The following MICALL2 variants were observed in gnomAD, a reference collection of about 807,000 sequenced individuals.
MICALL2 encodes the protein MICAL-like protein 2.
Under a neutral mutation model 91.1 loss-of-function variants are expected in MICALL2, and 111 were observed. That is an observed-to-expected ratio of 1.22 (90% CI 1.04 to 1.43). The LOEUF (loss-of-function observed/expected upper bound fraction) is 1.43, where lower values mean the gene tolerates loss of function less well. Ranked by LOEUF, MICALL2 falls within the 40% of genes most tolerant of loss-of-function variation. MICALL2 has a pLI of 0.00. For missense variants in MICALL2, 1,556 were observed against 1,236.0 expected, an observed-to-expected ratio of 1.26 and a Z score of -3.88; for synonymous variants, 694 against 525.3, an observed-to-expected ratio of 1.32 and a Z score of -4.39.
chr7:1,443,181 A>G (rs539603193), intron 6 of MICALL2, among the ~76,000 whole-genome samples: 46 of 130,042 alleles, frequency 3.5e-4, no homozygotes, highest in African/African-American at 1.3e-3. Context: ...GGTCCTCCCC[A>G]GCCACACATG....
rs962029500 is a variant in MICALL2, at chr7:1,434,840, G to A, written c.2639-168C>T. The A allele has an allele frequency of 6.3e-5, 49 of 772,072 alleles. No homozygotes were observed. In the Admixed American group the frequency reaches 6.8e-4, roughly 11 times the overall value. 47.8% of individuals were successfully genotyped at this position (772,072 alleles called of 1,614,324 possible). A position where few individuals can be genotyped will look rare whatever the true frequency, so the allele number is the denominator to read the frequency against. On this transcript the variant is annotated intron_variant, in intron 16 of 16. Coordinates refer to ENST00000297508, the MANE Select transcript of MICALL2 (RefSeq NM_182924.4). Reference sequence around the variant, plus strand: ...GCCCTCCCACGTGAGAACCTGCCCCGACTGGGTGCCCCGGAGGGCTGGTCC... The same window carrying A: ...GCCCTCCCACGTGAGAACCTGCCCCAACTGGGTGCCCCGGAGGGCTGGTCC...
Position 1,444,860 on chromosome 7 carries a change from G to T in MICALL2, c.1210C>A (p.Pro404Thr). ...CTGGAGGCGGACGGGGTCCAGGCTGGGGGGTCCACCGTGGCTGCAGATGTG... is the reference window on the plus strand; with the variant it reads ...CTGGAGGCGGACGGGGTCCAGGCTGTGGGGTCCACCGTGGCTGCAGATGTG... ...SSTSAATVDP[P>T]AWTPSASRTQ... The change falls in exon 6 of 17, where the codon CCA becomes ACA. Residue 404 changes from proline (P) to threonine (T), a missense_variant. Coordinates refer to ENST00000297508, the MANE Select transcript of MICALL2 (RefSeq NM_182924.4). 1.9e-6 allele frequency: 3 copies of T among 1,602,924 alleles called. No homozygotes were observed. Among genetic ancestry groups the T allele is most frequent in the Non-Finnish European group, 2.5e-6 (3 of 1,176,916 alleles).
Position 1,442,189 on chromosome 7 carries a change from C to T in MICALL2, c.1711+3G>A. 1 of 1,612,104 alleles carries T rather than the reference C, an allele frequency of 6.2e-7. No homozygotes were observed. The highest frequency in any genetic ancestry group is 1.1e-5 in the South Asian group (1 of 91,046). ...GCCTCCTGCCTCCCAGCCCCTTACTCACCCTGCGTTAAGGTGGTGCTTTTA... is the reference window on the plus strand; with the variant it reads ...GCCTCCTGCCTCCCAGCCCCTTACTTACCCTGCGTTAAGGTGGTGCTTTTA... On this transcript the variant is annotated splice_donor_region_variant and intron_variant, in intron 7 of 16. Coordinates refer to ENST00000297508, the MANE Select transcript of MICALL2 (RefSeq NM_182924.4).
At position 1,438,356 on chromosome 7, in the gene MICALL2, G is replaced by A. The variant is rs181030036; in HGVS notation, c.2123-3C>T. 8.1e-5 allele frequency: 130 copies of A among 1,600,048 alleles called. No individual in the cohort carries two copies. In the Admixed American group the frequency reaches 1.4e-3, roughly 17 times the overall value. ...ATTGGCCGGGGACAAGGGTCTCCCT[G>A]GAGAAGGAGCAGGGTGAGCCTCTGG... On this transcript the variant is annotated splice_region_variant and splice_polypyrimidine_tract_variant and intron_variant, in intron 10 of 16. Coordinates refer to ENST00000297508, the MANE Select transcript of MICALL2 (RefSeq NM_182924.4).
intron 1 of MICALL2, chr7:1,450,657 C>A: frequency 4.8e-6 from 1 of 208,728 alleles, no homozygotes; most frequent in Non-Finnish European, 9.8e-6. Flanking sequence ...CTTCCCATCA[C>A]AACGCTTGGT....
rs988795505 is a variant in MICALL2, at chr7:1,451,427, G to A, written c.144-1139C>T. 6.6e-6 allele frequency among the ~76,000 whole-genome samples: 1 copy of A among 152,214 alleles called. No individual in the cohort carries two copies. Among genetic ancestry groups the A allele is most frequent in the Non-Finnish European group, 1.5e-5 (1 of 68,034 alleles). On this transcript the variant is annotated intron_variant, in intron 1 of 16. Transcript: ENST00000297508. The surrounding 1 kb of genome is among the most constrained non-coding windows in gnomAD (Gnocchi z 4.5). Reference sequence around the variant, plus strand: ...CACACCTGTAGTCCCAGCTACTCAGGAGGCCAAGGCAGAAGGATTGCTTGA... The same window carrying A: ...CACACCTGTAGTCCCAGCTACTCAGAAGGCCAAGGCAGAAGGATTGCTTGA...
intron 13 of MICALL2, 26 bp from the exon 14 acceptor site, chr7:1,437,634 C>T: frequency 1.3e-6 from 2 of 1,536,892 alleles, no homozygotes; most frequent in Non-Finnish European, 8.7e-7. Flanking sequence ...GCGTCTGAGG[C>T]CTGACTCTGC....
At chr7:1,449,968 AG>A (rs1394602363) in intron 2 of MICALL2, among the ~76,000 whole-genome samples, 2 of 152,126 alleles carry the variant, frequency 1.3e-5, no homozygotes, top group African/African-American at 2.4e-5. Context: ...GCAGTGAAGT[AG>A]GGTCCCCAGC....
intron 14 of MICALL2, chr7:1,437,223 C>T (rs918791862): frequency 2.8e-5 from 14 of 502,764 alleles, no homozygotes; most frequent in Non-Finnish European, 4.9e-5. Context: ...TATGGCTCGC[C>T]CTGACTGCTG....
At chr7:1,439,041 C>G in intron 9 of MICALL2, 46 bp from the exon 10 acceptor site, 1 of 1,454,290 alleles carries the variant, frequency 6.9e-7, no homozygotes, top group South Asian at 1.2e-5. Context: ...AGCAGGGCCA[C>G]TGGGAGCCTG....
In MICALL2 at chr7:1,452,437, C is replaced by G. The variant is rs1021820033; in HGVS notation, c.144-2149G>C. 4.6e-5 allele frequency among the ~76,000 whole-genome samples: 7 copies of G among 152,146 alleles called. No individual in the cohort carries two copies. The highest frequency in any genetic ancestry group is 1.0e-4 in the Non-Finnish European group (7 of 68,016). On this transcript the variant is annotated intron_variant, in intron 1 of 16. Coordinates refer to ENST00000297508, the MANE Select transcript of MICALL2 (RefSeq NM_182924.4). This position sits in a 1 kb window ranked among gnomAD's most constrained non-coding sequence, Gnocchi z 6.2. Reference sequence around the variant, plus strand: ...CGGCTCTCCCTCCCTCTCTCCCCGCCCCCAGCCCTTTGAAAGCTCAAGCTC... The same window carrying G: ...CGGCTCTCCCTCCCTCTCTCCCCGCGCCCAGCCCTTTGAAAGCTCAAGCTC...
At chr7:1,437,812 C>T (rs1404520953) in intron 13 of MICALL2, 78 bp downstream of exon 13, 44 of 1,379,708 alleles carry the variant, frequency 3.2e-5, no homozygotes, top group Admixed American at 1.6e-4. Context: ...TGACTCTGCG[C>T]TCCTGTCCCC....
At position 1,452,912 on chromosome 7, in the gene MICALL2, C is replaced by A. The variant is rs558948006; in HGVS notation, c.144-2624G>T. On this transcript the variant is annotated intron_variant, in intron 1 of 16. Coordinates refer to ENST00000297508, the MANE Select transcript of MICALL2 (RefSeq NM_182924.4). This position sits in a 1 kb window ranked among gnomAD's most constrained non-coding sequence, Gnocchi z 6.2. ...CCAAGCTCCTTCCCCAGGGCCGGCC[C>A]TCCAGCCTCCAGACCATGGCTCCAC... 6.6e-6 allele frequency among the ~76,000 whole-genome samples: 1 copy of A among 152,194 alleles called. No individual in the cohort carries two copies. Among genetic ancestry groups the A allele is most frequent in the African/African-American group, 2.4e-5 (1 of 41,534 alleles).
chr7:1,437,762 C>G, intron 13 of MICALL2, 128 bp downstream of exon 13: 2 of 1,232,574 alleles, frequency 1.6e-6, no homozygotes, highest in South Asian at 1.3e-5. Flanking sequence ...CAGACCGCAA[C>G]GAGGTCCTGG....
Position 1,434,556 on chromosome 7 carries a change from G to A in MICALL2, c.*40C>T, listed in dbSNP as rs376575935. ...AGCCCATGGCCCCGAGTCCAAGTCC[G>A]GATGCCAGGTCCGGGCCGAGCCCAC... On this transcript the variant is annotated 3_prime_UTR_variant, in exon 17 of 17. Transcript: ENST00000297508. 2.5e-4 allele frequency: 387 copies of A among 1,561,350 alleles called. 4 individuals are homozygous for A. The highest frequency in any genetic ancestry group is 1.1e-3 in the South Asian group (98 of 89,844).
chr7:1,436,973 T>C, intron 14 of MICALL2, 117 bp from the exon 15 acceptor site: 1 of 698,162 alleles, frequency 1.4e-6, no homozygotes, highest in Non-Finnish European at 2.2e-6. Flanking sequence ...AGGTGGGGTC[T>C]TGGGGGGATC....
intron 3 of MICALL2, 99 bp from the exon 4 acceptor site, chr7:1,447,864 CG>C (rs201260038): frequency 7.3e-5 from 70 of 956,000 alleles, no homozygotes; most frequent in South Asian, 2.3e-4. Flanking sequence ...CCTTGGTGCC[CG>C]GGGGGGACCT....
chr7:1,441,066 C>G (rs66868743), intron 7 of MICALL2: 55,744 of 251,342 alleles, frequency 0.22, 8,711 homozygotes, highest in African/African-American at 0.51. Flanking sequence ...CAGGATCCAG[C>G]GCGTGGCTTT....
In MICALL2 at chr7:1,438,049, G is replaced by A. The variant is rs540328719; in HGVS notation, c.2311+48C>T. 472 of 1,562,940 alleles carry A rather than the reference G, an allele frequency of 3.0e-4. 6 individuals carry two copies. In the South Asian group the frequency reaches 5.0e-3, roughly 17 times the overall value. The stretch of plus-strand genomic sequence containing the variant: ...CATGGCCCCCAGCCCCAGGACTGAG[G>A]GTGTCTGTGGGAGTCGGGCTGGCCC... On this transcript the variant is annotated intron_variant, in intron 12 of 16. Transcript: ENST00000297508.
Sources: gnomAD v4.1 joint callset for allele counts (sites outside exome capture counted in the v4.1 genomes callset) on GRCh38, gnomAD v4.1.1 for gene constraint, Gnocchi (gnomAD v3.1) non-coding constraint, MANE v1.5 for transcripts, NCBI Gene and HGNC (gene_info 2026-07-23, HGNC 2026-07-21) for gene names.